Variants in ADARB2 observed in about 807,000 individuals in gnomAD.
ADARB2 encodes the protein adenosine deaminase RNA specific B2 (inactive).
Under a neutral mutation model 62.2 loss-of-function variants are expected in ADARB2, and 25 were observed. That is an observed-to-expected ratio of 0.40 (90% confidence interval 0.29 to 0.56). ADARB2 has a LOEUF of 0.56. Ranked by LOEUF, ADARB2 falls within the 20% of genes least tolerant of loss-of-function variation. The pLI, the probability that ADARB2 is intolerant of heterozygous loss-of-function variation, is 0.43. For missense variants in ADARB2, 1,071 were observed against 1,077.4 expected, an observed-to-expected ratio of 0.99 and a Z score of 0.08; for synonymous variants, 572 against 500.8, an observed-to-expected ratio of 1.14 and a Z score of -1.90.
At chr10:1,341,691 G>A (rs1479795313) in intron 3 of ADARB2, among the ~76,000 whole-genome samples, 1 of 151,620 alleles carries the variant, frequency 6.6e-6, no homozygotes, top group East Asian at 1.9e-4. Context: ...ATGCCCCACA[G>A]CGGGGATAAC....
chr10:1,629,738 C>T (rs1473101444), intron 1 of ADARB2, among the ~76,000 whole-genome samples: 1 of 152,096 alleles, frequency 6.6e-6, no homozygotes, highest in African/African-American at 2.4e-5. Flanking sequence ...CACTAAACCC[C>T]TACAGCTTGT....
At chr10:1,645,331 C>T (rs1834026025) in intron 1 of ADARB2, among the ~76,000 whole-genome samples, 1 of 152,210 alleles carries the variant, frequency 6.6e-6, no homozygotes, top group African/African-American at 2.4e-5. Flanking sequence ...TCTATATGTC[C>T]CTACTGGGAG....
intron 3 of ADARB2, among the ~76,000 whole-genome samples, chr10:1,277,509 A>G (rs1207766924): frequency 6.6e-6 from 1 of 152,248 alleles, no homozygotes; most frequent in Non-Finnish European, 1.5e-5. Flanking sequence ...TCTAGAAGAA[A>G]TGGATAAATT....
chr10:1,652,545 C>T (rs572137958), intron 1 of ADARB2, among the ~76,000 whole-genome samples: 12 of 152,292 alleles, frequency 7.9e-5, no homozygotes, highest in African/African-American at 2.6e-4. Flanking sequence ...TGAGAAATAG[C>T]TAATTTGTGC....
intron 1 of ADARB2, among the ~76,000 whole-genome samples, chr10:1,588,881 G>A (rs1047357713): frequency 1.3e-5 from 2 of 152,222 alleles, no homozygotes; most frequent in Non-Finnish European, 2.9e-5. Context: ...GGCCTCCGAT[G>A]CTTGGAGGAG....
intron 3 of ADARB2, among the ~76,000 whole-genome samples, chr10:1,337,901 C>G (rs1385134844): frequency 6.6e-6 from 1 of 152,152 alleles, no homozygotes; most frequent in Non-Finnish European, 1.5e-5. Flanking sequence ...TTGGCCCAGC[C>G]CAGCCTTCTT....
Position 1,736,521 on chromosome 10 carries a change from C to G in ADARB2, c.100+530G>C, listed in dbSNP as rs76740903. On this transcript the variant is annotated intron_variant, in intron 1 of 9. Coordinates refer to ENST00000381312, the MANE Select transcript of ADARB2 (RefSeq NM_018702.4). Reference sequence around the variant, plus strand: ...TCTCCAAGGACGAGCCCTGTGTTCTCTTTACGACCCAATGTTTACAAATCG... The same window carrying G: ...TCTCCAAGGACGAGCCCTGTGTTCTGTTTACGACCCAATGTTTACAAATCG... 8.2e-3 allele frequency among the ~76,000 whole-genome samples: 1,253 copies of G among 152,356 alleles called. 13 individuals are homozygous for G. The highest frequency in any genetic ancestry group is 0.029 in the African/African-American group (1,211 of 41,578).
chr10:1,502,201 C>T (rs552968731), intron 1 of ADARB2, among the ~76,000 whole-genome samples: 23 of 152,362 alleles, frequency 1.5e-4, no homozygotes, highest in East Asian at 7.7e-4. Context: ...AGTGGGGGCC[C>T]GGCCCCTCCT....
intron 1 of ADARB2, among the ~76,000 whole-genome samples, chr10:1,454,792 T>C (rs961658990): frequency 2.0e-5 from 3 of 152,140 alleles, no homozygotes; most frequent in Admixed American, 1.3e-4. Flanking sequence ...CACCGACCTA[T>C]ACACTCAAAA....
At chr10:1,313,120 G>A (rs1357300335) in intron 3 of ADARB2, among the ~76,000 whole-genome samples, 1 of 152,172 alleles carries the variant, frequency 6.6e-6, no homozygotes, top group African/African-American at 2.4e-5. Context: ...TGAGAGCCAG[G>A]AACCAGCCGT....
At position 1,675,650 on chromosome 10, in the gene ADARB2, G is replaced by A. The variant is rs111627647; in HGVS notation, c.100+61401C>T. On this transcript the variant is annotated intron_variant, in intron 1 of 9. Transcript: ENST00000381312. ...TCTGGAGGTTTGGGTTCAGGGATGCGTGAATGTTCTGGAGGTTTGGGTTTG... is the reference window on the plus strand; with the variant it reads ...TCTGGAGGTTTGGGTTCAGGGATGCATGAATGTTCTGGAGGTTTGGGTTTG... Among the ~76,000 whole-genome samples, 376 of 139,354 alleles carry A rather than the reference G, an allele frequency of 2.7e-3. 3 individuals carry two copies. The Middle Eastern group carries it at 0.042, about 15-fold the overall frequency. 91.4% of individuals were successfully genotyped at this position (139,354 alleles called of 152,430 possible).
At chr10:1,588,416 C>T (rs1300908878) in intron 1 of ADARB2, among the ~76,000 whole-genome samples, 2 of 152,194 alleles carry the variant, frequency 1.3e-5, no homozygotes, top group Admixed American at 6.5e-5. Flanking sequence ...ATATAAGGAA[C>T]TTGATAGGCC....
chr10:1,472,808 G>A (rs1193533140), intron 1 of ADARB2, among the ~76,000 whole-genome samples: 2 of 152,218 alleles, frequency 1.3e-5, no homozygotes, highest in Non-Finnish European at 2.9e-5. Context: ...ACACTGACTT[G>A]AGGAGGCATG....
intron 1 of ADARB2, among the ~76,000 whole-genome samples, chr10:1,694,574 A>G (rs1333335193): frequency 6.6e-6 from 1 of 152,204 alleles, no homozygotes; most frequent in Non-Finnish European, 1.5e-5. Context: ...CAATGGCCCC[A>G]TTCAGGGGAA....
intron 1 of ADARB2, chr10:1,678,137 T>C (rs1333073684): frequency 1.0e-6 from 1 of 985,140 alleles, no homozygotes; most frequent in Non-Finnish European, 1.2e-6. Context: ...TGAGTGCAGA[T>C]GGCAGGGGCT....
At chr10:1,394,482 A>G (rs931377761) in intron 1 of ADARB2, among the ~76,000 whole-genome samples, 17 of 152,192 alleles carry the variant, frequency 1.1e-4, no homozygotes, top group African/African-American at 3.4e-4. Flanking sequence ...GGGCTTTGCA[A>G]TAATCTCCTA....
intron 1 of ADARB2, among the ~76,000 whole-genome samples, chr10:1,526,220 G>C (rs1832139795): frequency 6.6e-6 from 1 of 152,064 alleles, no homozygotes; most frequent in Non-Finnish European, 1.5e-5. Flanking sequence ...GGGGCAGGTG[G>C]GGTAGGTGGG....
At position 1,255,123 on chromosome 10, in the gene ADARB2, G is replaced by A. The variant is rs562022934; in HGVS notation, c.1193-12824C>T. 1.3e-5 allele frequency among the ~76,000 whole-genome samples: 2 copies of A among 152,396 alleles called. No individual in the cohort carries two copies. The highest frequency in any genetic ancestry group is 2.1e-4 in the South Asian group (1 of 4,834). The stretch of plus-strand genomic sequence containing the variant: ...GCCGGGGCTCAGCCCCAGTGAGGGA[G>A]CAAGCGGGGCCAATGCTCTGAGCTC... On this transcript the variant is annotated intron_variant, in intron 4 of 9. Transcript: ENST00000381312. The surrounding 1 kb of genome is among the most constrained non-coding windows in gnomAD (Gnocchi z 4.7).
Position 1,717,165 on chromosome 10 carries a change from T to TTG in ADARB2, c.100+19885_100+19886insCA, listed in dbSNP as rs1835030043. On this transcript the variant is annotated intron_variant, in intron 1 of 9. Coordinates refer to ENST00000381312, the MANE Select transcript of ADARB2 (RefSeq NM_018702.4). The stretch of plus-strand genomic sequence containing the variant: ...TTGGGTTTGTAGTGTGCTTTTTTTT[T>TTG]TTTTTTTTTTTGCTTTTTGTTTTTA... Among the ~76,000 whole-genome samples, 9 of 150,280 alleles carry TTG rather than the reference T, an allele frequency of 6.0e-5. No individual in the cohort carries two copies. The South Asian group carries it at 1.9e-3, about 32-fold the overall frequency.
Sources: gnomAD v4.1 joint callset for allele counts (sites outside exome capture counted in the v4.1 genomes callset) on GRCh38, gnomAD v4.1.1 for gene constraint, Gnocchi (gnomAD v3.1) non-coding constraint, MANE v1.5 for transcripts, NCBI Gene and HGNC (gene_info 2026-07-23, HGNC 2026-07-21) for gene names.